The following SDK1 variants were observed in gnomAD, a reference collection of about 807,000 sequenced individuals.
SDK1 encodes the protein protein sidekick-1.
In SDK1, 157 loss-of-function variants were observed where a neutral mutation model predicts 245.5. The observed-to-expected ratio is 0.64, with a 90% CI of 0.56 to 0.73. The LOEUF (loss-of-function observed/expected upper bound fraction) is 0.73. Ranked by LOEUF, SDK1 falls within the 30% of genes least tolerant of loss-of-function variation. The pLI is 0.00. For missense variants in SDK1, 3,583 were observed against 3,002.3 expected (o/e 1.19, Z -4.52); for synonymous variants, 1,647 against 1,278.5 (o/e 1.29, Z -6.15).
At chr7:3,780,842 T>C (rs1210411201) in intron 4 of SDK1, among the ~76,000 whole-genome samples, 1 of 151,956 alleles carries the variant, frequency 6.6e-6, no homozygotes, top group African/African-American at 2.4e-5. Flanking sequence ...GCCTGCCCAA[T>C]GACCCCACCC....
intron 1 of SDK1, among the ~76,000 whole-genome samples, chr7:3,378,726 C>T (rs968601311): frequency 1.3e-5 from 2 of 151,984 alleles, no homozygotes; most frequent in East Asian, 1.9e-4. Flanking sequence ...AAGGTTCTCA[C>T]GCAGGAGCTC....
At chr7:4,123,736 A>G (rs1784211611) in intron 25 of SDK1, among the ~76,000 whole-genome samples, 1 of 152,332 alleles carries the variant, frequency 6.6e-6, no homozygotes, top group Admixed American at 6.5e-5. Context: ...CAAAAATAGA[A>G]GGGGGCTCAC....
At chr7:3,847,950 C>T (rs1388816583) in intron 5 of SDK1, among the ~76,000 whole-genome samples, 1 of 152,008 alleles carries the variant, frequency 6.6e-6, no homozygotes, top group African/African-American at 2.4e-5. Flanking sequence ...TTCTTTTATG[C>T]TTGAAAAACA....
chr7:3,630,024 C>G (rs547354031), intron 2 of SDK1, among the ~76,000 whole-genome samples: 1 of 152,168 alleles, frequency 6.6e-6, no homozygotes, highest in African/African-American at 2.4e-5. Flanking sequence ...CATCAGGAAA[C>G]TAGACATCAC....
At chr7:3,953,704 C>T (rs1012687836) in intron 7 of SDK1, among the ~76,000 whole-genome samples, 10 of 152,180 alleles carry the variant, frequency 6.6e-5, no homozygotes, top group African/African-American at 2.4e-4. Flanking sequence ...ATATTTAAAT[C>T]TATCTTAAGA....
chr7:3,466,979 T>TAC (rs11269597), intron 1 of SDK1, among the ~76,000 whole-genome samples: 8,339 of 127,434 alleles, frequency 0.065, 231 homozygotes, highest in Middle Eastern at 0.12. Context: ...TCTCTCTCTC[T>TAC]ACACACACAC....
rs71029672 is a variant in SDK1 at position 3,435,321 on chromosome 7, C to CTTTTTTTTTTTTTTTTTTTTT, written c.298+133444_298+133464dup. Among the ~76,000 whole-genome samples, 19 of 56,898 alleles carry CTTTTTTTTTTTTTTTTTTTTT rather than the reference C, an allele frequency of 3.3e-4. 1 individual carries two copies. Among genetic ancestry groups the CTTTTTTTTTTTTTTTTTTTTT allele is most frequent in the African/African-American group, 1.4e-3 (15 of 10,994 alleles). 37.3% of individuals were successfully genotyped at this position (56,898 alleles called of 152,430 possible). On this transcript the variant is annotated intron_variant, in intron 1 of 44. Coordinates refer to ENST00000404826, the MANE Select transcript of SDK1 (RefSeq NM_152744.4). The stretch of plus-strand genomic sequence containing the variant: ...ATACTTGACTTATGAAGGGGACTGC[C>CTTTTTTTTTTTTTTTTTTTTT]TTTTTTTTTTTTTTTTTTTTTTTTT...
At chr7:3,546,827 C>G (rs1421314978) in intron 1 of SDK1, among the ~76,000 whole-genome samples, 2 of 152,126 alleles carry the variant, frequency 1.3e-5, no homozygotes, top group East Asian at 1.9e-4. Context: ...CTCAGGTTAC[C>G]TACCCGTTAG....
At chr7:4,000,857 T>A (rs1682919700) in intron 14 of SDK1, among the ~76,000 whole-genome samples, 1 of 152,174 alleles carries the variant, frequency 6.6e-6, no homozygotes, top group Admixed American at 6.5e-5. Flanking sequence ...TGCATAGCAT[T>A]TGTCCGCATT....
intron 38 of SDK1, among the ~76,000 whole-genome samples, chr7:4,219,804 C>T (rs904940038): frequency 1.3e-5 from 2 of 148,844 alleles, no homozygotes; most frequent in South Asian, 2.2e-4. Context: ...CCCCTTCCCC[C>T]GCCCCCGCTC....
chr7:4,141,700 C>G (rs1437633625), intron 28 of SDK1, among the ~76,000 whole-genome samples: 2 of 152,202 alleles, frequency 1.3e-5, no homozygotes, highest in Non-Finnish European at 1.5e-5. Context: ...CTGTCGGGGC[C>G]AGGCCTCCAA....
chr7:3,443,237 GTTTAT>G (rs145675887), intron 1 of SDK1, among the ~76,000 whole-genome samples: 2,519 of 152,182 alleles, frequency 0.017, 55 homozygotes, highest in African/African-American at 0.044. Context: ...CTAATTAACA[GTTTAT>G]TTTATTTAGC....
intron 5 of SDK1, among the ~76,000 whole-genome samples, chr7:3,930,654 A>C (rs999485971): frequency 6.6e-6 from 1 of 152,188 alleles, no homozygotes; most frequent in Non-Finnish European, 1.5e-5. Context: ...TTAGCCACGC[A>C]TGGTGGCACA....
At chr7:3,563,720 C>G (rs920528691) in intron 1 of SDK1, among the ~76,000 whole-genome samples, 8 of 152,026 alleles carry the variant, frequency 5.3e-5, no homozygotes, top group Non-Finnish European at 1.0e-4. Context: ...AGGAATACAC[C>G]TAAAACTGCA....
intron 17 of SDK1, among the ~76,000 whole-genome samples, chr7:4,043,837 G>T (rs1788820780): frequency 6.6e-6 from 1 of 152,044 alleles, no homozygotes; most frequent in Non-Finnish European, 1.5e-5. Flanking sequence ...AAACCCCAGA[G>T]CTAAACCTAC....
intron 1 of SDK1, among the ~76,000 whole-genome samples, chr7:3,550,876 C>T (rs1364696287): frequency 1.3e-5 from 2 of 152,172 alleles, no homozygotes; most frequent in South Asian, 4.1e-4. Context: ...TAATTTTTAG[C>T]AATACTGCTG....
intron 1 of SDK1, among the ~76,000 whole-genome samples, chr7:3,466,169 G>T (rs1378295214): frequency 6.6e-6 from 1 of 151,682 alleles, no homozygotes; most frequent in Non-Finnish European, 1.5e-5. Context: ...AAAACCCTGT[G>T]GGAAACTACC....
intron 30 of SDK1, among the ~76,000 whole-genome samples, chr7:4,151,156 C>A (rs2128208656): frequency 6.6e-6 from 1 of 152,300 alleles, no homozygotes; most frequent in Admixed American, 6.5e-5. Context: ...CCTGAGCAGT[C>A]CAAGGAGGGT....
At chr7:3,808,719 G>T (rs1403060952) in intron 4 of SDK1, among the ~76,000 whole-genome samples, 1 of 152,120 alleles carries the variant, frequency 6.6e-6, no homozygotes, top group Non-Finnish European at 1.5e-5. Flanking sequence ...CCATTTCCCT[G>T]TACTTGTTTT....
Sources: gnomAD v4.1 joint callset for allele counts (sites outside exome capture counted in the v4.1 genomes callset) on GRCh38, gnomAD v4.1.1 for gene constraint, MANE v1.5 for transcripts, NCBI Gene and HGNC (gene_info 2026-07-23, HGNC 2026-07-21) for gene names.